Variants in GTPBP10 observed in about 807,000 individuals in gnomAD.
GTPBP10 encodes GTP binding protein 10.
Under a neutral mutation model 44.8 loss-of-function variants are expected in GTPBP10, and 38 were observed. The observed-to-expected ratio is 0.85, with a 90% confidence interval of 0.65 to 1.11. The LOEUF (loss-of-function observed/expected upper bound fraction) is 1.11. GTPBP10 is among the 50% of genes most tolerant of loss of function. The pLI is 0.00. For missense variants in GTPBP10, 462 were observed against 453.7 expected, an observed-to-expected ratio of 1.02 and a Z score of -0.17; for synonymous variants, 152 against 150.6, an observed-to-expected ratio of 1.01 and a Z score of -0.07.
chr7:90,384,216 C>T (rs549929251), intron 9 of GTPBP10, among the ~76,000 whole-genome samples: 14 of 152,280 alleles, frequency 9.2e-5, no homozygotes, highest in African/African-American at 2.6e-4. Context: ...AGAAAGTAAG[C>T]TCCATGTTGT....
intron 4 of GTPBP10, among the ~76,000 whole-genome samples, chr7:90,364,189 C>T (rs1234131903): frequency 6.6e-6 from 1 of 152,206 alleles, no homozygotes; most frequent in Non-Finnish European, 1.5e-5. Context: ...GAGCTGCATT[C>T]CTTTGGAGGG....
At chr7:90,370,602 T>C (rs1016583462) in intron 4 of GTPBP10, among the ~76,000 whole-genome samples, 2 of 152,116 alleles carry the variant, frequency 1.3e-5, no homozygotes, top group Non-Finnish European at 2.9e-5. Context: ...TGTACACTAC[T>C]TGGGTGATGG....
At chr7:90,361,797 T>A (rs1796026920) in intron 4 of GTPBP10, among the ~76,000 whole-genome samples, 1 of 152,310 alleles carries the variant, frequency 6.6e-6, no homozygotes, top group African/African-American at 2.4e-5. Flanking sequence ...AATTATTGCC[T>A]CAATTTCAGA....
At chr7:90,363,345 C>G (rs960718252) in intron 4 of GTPBP10, among the ~76,000 whole-genome samples, 9 of 152,196 alleles carry the variant, frequency 5.9e-5, no homozygotes, top group Non-Finnish European at 1.0e-4. Flanking sequence ...GACAAAATCT[C>G]TCAGCATTTG....
chr7:90,377,210 C>G (rs1796356778), intron 6 of GTPBP10, among the ~76,000 whole-genome samples: 1 of 152,038 alleles, frequency 6.6e-6, no homozygotes, highest in Non-Finnish European at 1.5e-5. Context: ...GGTGACAGAG[C>G]AAGATCCTGT....
intron 4 of GTPBP10, among the ~76,000 whole-genome samples, chr7:90,363,615 T>G (rs139824531): frequency 0.031 from 4,757 of 152,246 alleles, 147 homozygotes; most frequent in East Asian, 0.11. Flanking sequence ...TATGTGTCTT[T>G]GAGTTGCTCT....
At chr7:90,376,473 GACAA>G (rs1196879216) in intron 6 of GTPBP10, among the ~76,000 whole-genome samples, 1 of 152,120 alleles carries the variant, frequency 6.6e-6, no homozygotes, top group African/African-American at 2.4e-5. Flanking sequence ...ATGAGATGAT[GACAA>G]GGTGACAAGG....
chr7:90,356,088 T>G (rs898718137), intron 4 of GTPBP10, among the ~76,000 whole-genome samples: 6 of 152,070 alleles, frequency 3.9e-5, no homozygotes, highest in African/African-American at 1.4e-4. Context: ...AGTTCTATTT[T>G]TTGCTTCCCC....
chr7:90,367,790 G>T (rs60380533), intron 4 of GTPBP10, among the ~76,000 whole-genome samples: 3 of 151,946 alleles, frequency 2.0e-5, no homozygotes, highest in Non-Finnish European at 1.5e-5. Context: ...ATTTAAGGTT[G>T]ATATTGTTAT....
chr7:90,372,228 T>A lies in GTPBP10; in HGVS notation c.538T>A (p.Phe180Ile). 6.3e-7 allele frequency: 1 copy of A among 1,581,618 alleles called. No homozygotes were observed. ...AAAACCTGCAATTGCAGATTACGCATGTAAGTGTAATTTGATTGTACATTT... is the reference window on the plus strand; with the variant it reads ...AAAACCTGCAATTGCAGATTACGCAAGTAAGTGTAATTTGATTGTACATTT... ...HAKPAIADYAFTTLKPELGKI... is the reference protein window; with the variant it reads ...HAKPAIADYAITTLKPELGKI... Residue 180 changes from phenylalanine (F) to isoleucine (I), a missense_variant and splice_region_variant, in exon 5 of 10, where the codon TTT (phenylalanine) becomes ATT (isoleucine). By Grantham distance (21) the Phe-to-Ile change is conservative (BLOSUM62 0). Transcript: ENST00000222511.
rs201866556 is a variant in GTPBP10 at position 90,385,066 on chromosome 7, T to A, written c.1076T>A (p.Leu359Ter). Reference protein sequence around the residue: ...QENDALHKKQLLNLWISDTMS... With the variant: ...QENDALHKKQ ...AATGATGCACTTCATAAGAAACAGT[T>A]GCTTAATTTGTGGATTTCTGATACA... Residue 359 changes from leucine to a stop codon, truncating the protein, a stop_gained, in exon 10 of 10, where the codon TTG becomes TAG. Coordinates refer to ENST00000222511, the MANE Select transcript of GTPBP10 (RefSeq NM_033107.4). LOFTEE classifies it high-confidence loss of function. The A allele has an allele frequency of 2.4e-4, 381 of 1,613,858 alleles. 1 individual carries two copies. In the Middle Eastern group the frequency reaches 3.3e-3, roughly 14 times the overall value.
intron 4 of GTPBP10, among the ~76,000 whole-genome samples, chr7:90,364,558 C>G (rs1254253770): frequency 6.6e-6 from 1 of 152,186 alleles, no homozygotes; most frequent in Non-Finnish European, 1.5e-5. Context: ...GGTTGCCTCC[C>G]AGTTAGGCTA....
chr7:90,360,801 C>G (rs1796002369), intron 4 of GTPBP10, among the ~76,000 whole-genome samples: 2 of 152,134 alleles, frequency 1.3e-5, no homozygotes, highest in African/African-American at 4.8e-5. Context: ...TGTTTGTGTC[C>G]TCTTTTATTT....
At chr7:90,352,350 A>G (rs1226560054) in intron 1 of GTPBP10, among the ~76,000 whole-genome samples, 2 of 152,266 alleles carry the variant, frequency 1.3e-5, no homozygotes, top group African/African-American at 4.8e-5. Context: ...GCTATTATTC[A>G]ACTGATATGT....
Position 90,389,353 on chromosome 7 carries a change from T to G in GTPBP10, c.*4199T>G, listed in dbSNP as rs981947241. On this transcript the variant is annotated 3_prime_UTR_variant, in exon 10 of 10. Coordinates refer to ENST00000222511, the MANE Select transcript of GTPBP10 (RefSeq NM_033107.4). ...GTTGGATGGTGAATACATGAGTTGT[T>G]TTTTAAACTCTTTTGGGAGCCTAAA... 1 of 152,036 alleles carries G rather than the reference T, an allele frequency of 6.6e-6. No individual in the cohort carries two copies. Among genetic ancestry groups the G allele is most frequent in the East Asian group, 1.9e-4 (1 of 5,188 alleles). 9.4% of individuals were successfully genotyped at this position (152,036 alleles called of 1,614,324 possible). A position where few individuals can be genotyped will look rare whatever the true frequency, so the allele number is the denominator to read the frequency against.
At chr7:90,350,756 C>CT (rs1175482383) in intron 1 of GTPBP10, among the ~76,000 whole-genome samples, 2 of 152,258 alleles carry the variant, frequency 1.3e-5, no homozygotes, top group African/African-American at 2.4e-5. Flanking sequence ...GAATTTTTGT[C>CT]TTTTTTTACA....
At chr7:90,365,667 C>T (rs1287925833) in intron 4 of GTPBP10, among the ~76,000 whole-genome samples, 3 of 152,148 alleles carry the variant, frequency 2.0e-5, no homozygotes, top group Non-Finnish European at 1.5e-5. Flanking sequence ...TGAGCCACCG[C>T]GCCCGGCCGG....
intron 8 of GTPBP10, among the ~76,000 whole-genome samples, chr7:90,378,669 G>T (rs1333188042): frequency 6.6e-6 from 1 of 151,800 alleles, no homozygotes; most frequent in African/African-American, 2.4e-5. Context: ...TAATAATATT[G>T]ATGACTGCCA....
At chr7:90,377,234 A>G (rs1194094597) in intron 6 of GTPBP10, among the ~76,000 whole-genome samples, 1 of 152,192 alleles carries the variant, frequency 6.6e-6, no homozygotes, top group Non-Finnish European at 1.5e-5. Context: ...TAAAATAATA[A>G]TAATAAATAA....
Sources: allele counts gnomAD v4.1 joint callset (sites outside exome capture counted in the v4.1 genomes callset), GRCh38; gene constraint gnomAD v4.1.1; transcripts MANE v1.5; gene names NCBI Gene and HGNC (gene_info 2026-07-23, HGNC 2026-07-21).